The following HECA variants were observed in gnomAD, a reference collection of about 807,000 sequenced individuals.
HECA encodes HECA ribonucleoprotein granule regulator, also known as headcase protein homolog.
Under a neutral mutation model 37.6 loss-of-function variants are expected in HECA, and 13 were observed. That is an observed-to-expected ratio of 0.35 (90% CI 0.23 to 0.55). The LOEUF (loss-of-function observed/expected upper bound fraction) is 0.55, where lower values mean the gene tolerates loss of function less well. Among genes scored for constraint, HECA ranks in the 20% least tolerant of loss-of-function variants. HECA has a pLI of 0.90. For synonymous variants in HECA, 307 were observed against 291.5 expected (o/e 1.05, Z -0.54); for missense variants, 527 against 701.9 (o/e 0.75, Z 2.82).
intron 1 of HECA, among the ~76,000 whole-genome samples, chr6:139,158,502 C>A (rs76946101): frequency 5.3e-4 from 69 of 130,758 alleles, no homozygotes; most frequent in Middle Eastern, 4.1e-3. Context: ...GATTCCATCT[C>A]AAAAAAAAAA....
chr6:139,170,463 C>T (rs961172432), intron 2 of HECA: 3 of 152,110 alleles, frequency 2.0e-5, no homozygotes, highest in Non-Finnish European at 2.9e-5. Context: ...TGGCTTGGTT[C>T]GTAAAAAGAG....
chr6:139,136,736 G>A (rs1774452189), intron 1 of HECA, among the ~76,000 whole-genome samples: 1 of 151,910 alleles, frequency 6.6e-6, no homozygotes, highest in Non-Finnish European at 1.5e-5. Context: ...CCGGTCTGAA[G>A]CGATTCTCCT....
chr6:139,162,316 T>G (rs1405976507), intron 1 of HECA, among the ~76,000 whole-genome samples: 1 of 152,188 alleles, frequency 6.6e-6, no homozygotes, highest in African/African-American at 2.4e-5. Flanking sequence ...GGAGGAAGTT[T>G]ACTAGATGCC....
rs1774897342 is a variant in HECA, at chr6:139,166,958, G to C, written c.946G>C (p.Val316Leu). Residue 316 changes from valine to leucine, a missense_variant, in exon 2 of 4, where the codon GTG becomes CTG. By Grantham distance (32) the Val-to-Leu change is conservative. This residue lies in a region of HECA where 228 missense variants were observed against 259.8 expected (regional missense o/e 0.88). Transcript: ENST00000367658. ...PHKKAMAGGH[V>L]FRNAHFDYSP... ...CAAGAAGGCCATGGCTGGGGGCCAT[G>C]TGTTCAGAAATGCCCACTTTGATTA... 6.2e-7 allele frequency: 1 copy of C among 1,614,062 alleles called. No individual in the cohort carries two copies. The highest frequency in any genetic ancestry group is 1.7e-5 in the Admixed American group (1 of 60,006).
chr6:139,162,872 G>T (rs1450098543), intron 1 of HECA, among the ~76,000 whole-genome samples: 1 of 152,192 alleles, frequency 6.6e-6, no homozygotes, highest in African/African-American at 2.4e-5. Context: ...GTTTTGGCCT[G>T]TATTCCCTGA....
At chr6:139,169,110 C>T (rs969573417) in intron 2 of HECA, among the ~76,000 whole-genome samples, 6 of 152,142 alleles carry the variant, frequency 3.9e-5, no homozygotes, top group South Asian at 2.1e-4. Flanking sequence ...TATAAACTTA[C>T]CATCTTCCAT....
intron 1 of HECA, among the ~76,000 whole-genome samples, chr6:139,137,440 A>G (rs1774462239): frequency 1.3e-5 from 2 of 152,278 alleles, no homozygotes; most frequent in South Asian, 4.1e-4. Context: ...AGTTTCTCAC[A>G]AAGAGTGCAT....
chr6:139,176,566 A>G lies in HECA; in HGVS notation c.1468-375A>G, dbSNP rs1775054861. ...TTATTTTTACATCAAAGAAAACGCA[A>G]CTTTTCTATAGAGTAGAATGAAAAA... On this transcript the variant is annotated intron_variant, in intron 3 of 3. Coordinates refer to ENST00000367658, the MANE Select transcript of HECA (RefSeq NM_016217.3). This position sits in a 1 kb window ranked among gnomAD's most constrained non-coding sequence, Gnocchi z 4.5. Among the ~76,000 whole-genome samples the G allele has an allele frequency of 6.6e-6, 1 of 152,192 alleles. No homozygotes were observed. The highest frequency in any genetic ancestry group is 1.5e-5 in the Non-Finnish European group (1 of 68,020).
chr6:139,175,073 A>G (rs939429209), intron 3 of HECA, among the ~76,000 whole-genome samples: 8 of 152,162 alleles, frequency 5.3e-5, no homozygotes, highest in Non-Finnish European at 8.8e-5. Flanking sequence ...TGAGGTTGTA[A>G]TCCTTAAAGC....
intron 1 of HECA, among the ~76,000 whole-genome samples, chr6:139,141,749 CCTT>C (rs57035380): frequency 7.9e-5 from 5 of 63,152 alleles, no homozygotes; most frequent in African/African-American, 1.3e-4. Context: ...GGCCTAAACA[CCTT>C]CTTTTTTTTT....
At chr6:139,135,911 C>G (rs1294527745) in intron 1 of HECA, among the ~76,000 whole-genome samples, 1 of 151,842 alleles carries the variant, frequency 6.6e-6, no homozygotes, top group East Asian at 1.9e-4. Flanking sequence ...GAGGGGCTCC[C>G]GGCTGCGGCA....
At chr6:139,158,792 G>C (rs1169684579) in intron 1 of HECA, among the ~76,000 whole-genome samples, 1 of 151,986 alleles carries the variant, frequency 6.6e-6, no homozygotes, top group Admixed American at 6.6e-5. Flanking sequence ...ATTATTTCTG[G>C]GCCAGGCACA....
chr6:139,169,775 C>G (rs1394705662), intron 2 of HECA: 2 of 152,208 alleles, frequency 1.3e-5, no homozygotes, highest in Non-Finnish European at 2.9e-5. Context: ...GCTGCAGAGT[C>G]TGTCTCTAGA....
chr6:139,140,844 G>A (rs1774504518), intron 1 of HECA, among the ~76,000 whole-genome samples: 1 of 152,114 alleles, frequency 6.6e-6, no homozygotes, highest in Non-Finnish European at 1.5e-5. Context: ...AGGCTGGAGT[G>A]CAGTGGCACT....
chr6:139,168,173 C>T (rs796761689), intron 2 of HECA, among the ~76,000 whole-genome samples: 26 of 152,306 alleles, frequency 1.7e-4, no homozygotes, highest in African/African-American at 6.0e-4. Context: ...ATACTGCTGT[C>T]TTCATTCTCC....
intron 1 of HECA, among the ~76,000 whole-genome samples, chr6:139,143,181 T>C (rs1002043039): frequency 6.6e-6 from 1 of 152,224 alleles, no homozygotes; most frequent in Non-Finnish European, 1.5e-5. Flanking sequence ...TATTTAACCT[T>C]TCTCAGCCTC....
chr6:139,156,484 A>G (rs73556633), intron 1 of HECA, among the ~76,000 whole-genome samples: 105 of 152,346 alleles, frequency 6.9e-4, no homozygotes, highest in African/African-American at 2.4e-3. Flanking sequence ...TGCTGGAATT[A>G]TAAGCGTGTG....
rs1774892115 is a variant in HECA, at chr6:139,166,732, C to T, written c.720C>T (p.Pro240=). The T allele has an allele frequency of 6.2e-7, 1 of 1,613,012 alleles. No individual in the cohort carries two copies. Among genetic ancestry groups the T allele is most frequent in the Middle Eastern group, 1.7e-4 (1 of 6,060 alleles). Residue 240 remains proline (P), a synonymous_variant, in exon 2 of 4, where the codon CCC becomes CCT. Coordinates refer to ENST00000367658, the MANE Select transcript of HECA (RefSeq NM_016217.3). The part of the protein sequence containing the change: ...KPQKGPSHDL[P]RRHSMDRQNS... ...AGAAAGGCCCAAGCCACGACCTCCC[C>T]CGCCGGCATTCCATGGACCGGCAGA...
intron 1 of HECA, among the ~76,000 whole-genome samples, chr6:139,149,433 C>G (rs1774625489): frequency 6.6e-6 from 1 of 152,122 alleles, no homozygotes; most frequent in Non-Finnish European, 1.5e-5. Flanking sequence ...AATCGTTGTG[C>G]CATGATTTGG....
Sources: allele counts gnomAD v4.1 joint callset (sites outside exome capture counted in the v4.1 genomes callset), GRCh38; gene constraint gnomAD v4.1.1; regional missense constraint gnomAD v4.1.1; non-coding constraint Gnocchi (gnomAD v3.1); transcripts MANE v1.5; gene names NCBI Gene and HGNC (gene_info 2026-07-23, HGNC 2026-07-21).